SLC27A6: variants seen among roughly 807,000 people sequenced by gnomAD.
SLC27A6 encodes long-chain fatty acid transport protein 6.
A neutral mutation model predicts 63.9 loss-of-function variants in SLC27A6; 74 were observed. The observed-to-expected ratio is 1.16, with a 90% CI of 0.96 to 1.40. The LOEUF is 1.40. SLC27A6 is among the 40% of genes most tolerant of loss of function. The pLI is 0.00. For synonymous variants in SLC27A6, 287 were observed against 260.8 expected, an observed-to-expected ratio of 1.10 and a Z score of -0.97; for missense variants, 794 against 732.9, an observed-to-expected ratio of 1.08 and a Z score of -0.96.
At chr5:128,995,573 T>G (rs572681274) in intron 4 of SLC27A6, among the ~76,000 whole-genome samples, 103 of 152,270 alleles carry the variant, frequency 6.8e-4, no homozygotes, top group African/African-American at 2.4e-3. Flanking sequence ...TGGTCAGGGA[T>G]GGCTTCACAG....
chr5:128,969,174 G>A (rs1580695457), intron 1 of SLC27A6, among the ~76,000 whole-genome samples: 1 of 152,186 alleles, frequency 6.6e-6, no homozygotes, highest in Non-Finnish European at 1.5e-5. Flanking sequence ...TAGCCCTGTA[G>A]TATAGTTTGA....
chr5:129,014,589 C>T (rs760278493), intron 4 of SLC27A6, among the ~76,000 whole-genome samples: 6 of 152,178 alleles, frequency 3.9e-5, no homozygotes, highest in Non-Finnish European at 5.9e-5. Flanking sequence ...TTAATTTTCA[C>T]AGTAAGTTCC....
chr5:129,029,505 T>C lies in SLC27A6; in HGVS notation c.1553-72T>C, dbSNP rs539558684. 9 of 1,012,872 alleles carry C rather than the reference T, an allele frequency of 8.9e-6. No homozygotes were observed. The East Asian group carries it at 2.2e-4, about 25-fold the overall frequency. 62.7% of individuals were successfully genotyped at this position (1,012,872 alleles called of 1,614,324 possible). On this transcript the variant is annotated intron_variant, in intron 8 of 9. Transcript: ENST00000262462. Reference sequence around the variant, plus strand: ...ATTTAATGTCTCCATGTGTGCCAATTAGCATGTACAGAATTATCTTTTAAA... The same window carrying C: ...ATTTAATGTCTCCATGTGTGCCAATCAGCATGTACAGAATTATCTTTTAAA...
chr5:128,973,571 C>T (rs1418438545), intron 1 of SLC27A6, among the ~76,000 whole-genome samples: 1 of 152,204 alleles, frequency 6.6e-6, no homozygotes, highest in Non-Finnish European at 1.5e-5. Context: ...GTGTGGGACC[C>T]ACCAAGCCAG....
chr5:128,978,560 A>G (rs1051168368), intron 1 of SLC27A6, among the ~76,000 whole-genome samples: 1 of 152,184 alleles, frequency 6.6e-6, no homozygotes, highest in Non-Finnish European at 1.5e-5. Context: ...GTTATCAGAT[A>G]CCAGCCATGA....
chr5:129,029,418 A>G lies in SLC27A6; in HGVS notation c.1553-159A>G, dbSNP rs77037660. On this transcript the variant is annotated intron_variant, in intron 8 of 9. Coordinates refer to ENST00000262462, the MANE Select transcript of SLC27A6 (RefSeq NM_001017372.3). ...TTAAATGATTTCTAGGGGGTAAATC[A>G]TATGTTCAGGGAAGGATACAGACTA... is the stretch of plus-strand genomic sequence containing the variant. 9.2e-3 allele frequency among the ~76,000 whole-genome samples: 1,407 copies of G among 152,184 alleles called. 17 individuals carry two copies. The highest frequency in any genetic ancestry group is 0.031 in the African/African-American group (1,299 of 41,546).
intron 4 of SLC27A6, among the ~76,000 whole-genome samples, chr5:129,011,726 C>T (rs1465341522): frequency 3.3e-5 from 5 of 152,172 alleles, no homozygotes; most frequent in South Asian, 2.1e-4. Flanking sequence ...GCTGAGAACA[C>T]GGCCCTTAGG....
intron 5 of SLC27A6, among the ~76,000 whole-genome samples, chr5:129,018,552 G>T (rs1290536691): frequency 2.6e-5 from 4 of 152,024 alleles, no homozygotes; most frequent in African/African-American, 7.2e-5. Flanking sequence ...AAAGCATTTT[G>T]GGGAAAGTAA....
chr5:128,972,951 A>T (rs1372463073), intron 1 of SLC27A6, among the ~76,000 whole-genome samples: 4 of 152,128 alleles, frequency 2.6e-5, no homozygotes, highest in Non-Finnish European at 1.5e-5. Flanking sequence ...TGGCGTTTTC[A>T]TGTGGATGTC....
chr5:128,971,265 C>G (rs1291498563), intron 1 of SLC27A6, among the ~76,000 whole-genome samples: 6 of 152,058 alleles, frequency 3.9e-5, no homozygotes, highest in Non-Finnish European at 8.8e-5. Flanking sequence ...CTGTAGATGT[C>G]TGTTAGGTCT....
intron 1 of SLC27A6, 34 bp from the exon 2 acceptor site, chr5:128,985,098 GT>G (rs1561615046): frequency 1.3e-6 from 2 of 1,504,946 alleles, no homozygotes; most frequent in Non-Finnish European, 1.8e-6. Context: ...GAGATTTAAG[GT>G]TTGCTTAACT....
intron 5 of SLC27A6, among the ~76,000 whole-genome samples, chr5:129,016,891 C>G (rs973514919): frequency 6.6e-6 from 1 of 152,142 alleles, no homozygotes; most frequent in African/African-American, 2.4e-5. Flanking sequence ...GCTGATTTCT[C>G]AGTAGCAACC....
intron 4 of SLC27A6, among the ~76,000 whole-genome samples, chr5:128,994,928 A>T (rs1751104883): frequency 1.3e-5 from 2 of 152,202 alleles, no homozygotes; most frequent in African/African-American, 4.8e-5. Context: ...CTTTTGGCAT[A>T]AACGTTAGAT....
intron 4 of SLC27A6, among the ~76,000 whole-genome samples, chr5:129,014,167 T>C (rs377365574): frequency 5.9e-5 from 9 of 152,198 alleles, no homozygotes; most frequent in African/African-American, 1.7e-4. Flanking sequence ...AACCCTCCTG[T>C]TTTCAGTAGT....
At chr5:129,032,037 A>G (rs1752433163) in intron 9 of SLC27A6, among the ~76,000 whole-genome samples, 1 of 151,970 alleles carries the variant, frequency 6.6e-6, no homozygotes, top group African/African-American at 2.4e-5. Context: ...ATCTCACTTA[A>G]ACAGACTGTT....
intron 4 of SLC27A6, among the ~76,000 whole-genome samples, chr5:129,013,012 CT>C (rs1751775483): frequency 6.6e-6 from 1 of 151,650 alleles, no homozygotes; most frequent in African/African-American, 2.4e-5. Context: ...TATTTGTTCC[CT>C]TTCCCCCTTA....
intron 8 of SLC27A6, among the ~76,000 whole-genome samples, chr5:129,029,033 A>G (rs1346519874): frequency 1.3e-5 from 2 of 152,076 alleles, no homozygotes; most frequent in African/African-American, 2.4e-5. Context: ...GGAGAGCAGA[A>G]GAAGGGAATG....
intron 5 of SLC27A6, among the ~76,000 whole-genome samples, chr5:129,022,176 T>C (rs1379789888): frequency 6.6e-6 from 1 of 152,180 alleles, no homozygotes; most frequent in Non-Finnish European, 1.5e-5. Context: ...TAATAAACAG[T>C]CTTTATATCT....
At chr5:129,028,998 G>A (rs547406334) in intron 8 of SLC27A6, among the ~76,000 whole-genome samples, 1 of 151,968 alleles carries the variant, frequency 6.6e-6, no homozygotes, top group Non-Finnish European at 1.5e-5. Context: ...GTGCAGGAGA[G>A]ATCAGGGATG....
Sources: gnomAD v4.1 joint callset for allele counts (sites outside exome capture counted in the v4.1 genomes callset) on GRCh38, gnomAD v4.1.1 for gene constraint, MANE v1.5 for transcripts, NCBI Gene and HGNC (gene_info 2026-07-23, HGNC 2026-07-21) for gene names.